The following WWTR1 variants were observed in gnomAD, a reference collection of about 807,000 sequenced individuals.
WWTR1 encodes WW domain-containing transcription regulator protein 1.
A neutral mutation model predicts 40.1 loss-of-function variants in WWTR1; 13 were observed. That is an observed-to-expected ratio of 0.32 (90% confidence interval 0.21 to 0.52). The LOEUF (loss-of-function observed/expected upper bound fraction) is 0.52, where lower values mean the gene tolerates loss of function less well. WWTR1 is among the 20% of genes least tolerant of loss of function. The pLI, the probability that WWTR1 is intolerant of heterozygous loss-of-function variation, is 0.97. For synonymous variants in WWTR1, 230 were observed against 210.1 expected, an observed-to-expected ratio of 1.09 and a Z score of -0.82; for missense variants, 436 against 523.1, an observed-to-expected ratio of 0.83 and a Z score of 1.63.
At chr3:149,680,438 GGAGGCT>G (rs1714418511) in intron 1 of WWTR1, among the ~76,000 whole-genome samples, 1 of 152,142 alleles carries the variant, frequency 6.6e-6, no homozygotes, top group South Asian at 2.1e-4. Flanking sequence ...CAGCTACTTG[GGAGGCT>G]GAGGCAGAAG....
rs761515815 is a variant in WWTR1, at chr3:149,657,133, C to A, written c.174G>T (p.Ser58=). The part of the protein sequence containing the change: ...LPESFFKEPD[S]GSHSRQSSTD... ...TGCTGGACTGGCGCGAGTGCGAGCCCGAATCAGGCTCCTTAAAGAAAGACT... is the reference window on the plus strand; with the variant it reads ...TGCTGGACTGGCGCGAGTGCGAGCCAGAATCAGGCTCCTTAAAGAAAGACT... Residue 58 remains serine (S), a synonymous_variant, in exon 2 of 7, where the codon TCG becomes TCT. Transcript: ENST00000360632. The A allele has an allele frequency of 6.3e-7, 1 of 1,595,690 alleles. No homozygotes were observed.
intron 1 of WWTR1, among the ~76,000 whole-genome samples, chr3:149,688,332 AGT>A (rs1714717567): frequency 2.0e-5 from 3 of 152,120 alleles, no homozygotes; most frequent in Admixed American, 2.0e-4. Context: ...GGCGAGACCC[AGT>A]ACTTTACTGG....
chr3:149,602,985 G>GATAAATAA lies in WWTR1; in HGVS notation c.432-29993_432-29986dup, dbSNP rs10573108. On this transcript the variant is annotated intron_variant, in intron 2 of 6. Transcript: ENST00000360632. ...AGAAAAGCCTAATTTTAAAGCCAAA[G>GATAAATAA]ATAAATAAATAAATAAATAAATAAA... Among the ~76,000 whole-genome samples the GATAAATAA allele has an allele frequency of 2.2e-3, 331 of 151,624 alleles. 1 individual carries two copies. Among genetic ancestry groups the GATAAATAA allele is most frequent in the African/African-American group, 7.6e-3 (313 of 41,216 alleles).
intron 4 of WWTR1, among the ~76,000 whole-genome samples, chr3:149,542,130 C>T (rs1736132598): frequency 6.6e-6 from 1 of 152,216 alleles, no homozygotes; most frequent in Non-Finnish European, 1.5e-5. Context: ...ACAGCTCGTC[C>T]TTGTACCCTT....
chr3:149,603,554 C>T (rs189735784), intron 2 of WWTR1, among the ~76,000 whole-genome samples: 2 of 146,594 alleles, frequency 1.4e-5, no homozygotes, highest in African/African-American at 2.6e-5. Context: ...TTCCCCACCC[C>T]CCCCTTGTAC....
chr3:149,631,071 G>A (rs1415930379), intron 2 of WWTR1, among the ~76,000 whole-genome samples: 1 of 152,128 alleles, frequency 6.6e-6, no homozygotes, highest in Admixed American at 6.6e-5. Flanking sequence ...CCATTAATGG[G>A]TCAAGCCAGT....
chr3:149,521,974 G>A (rs1015297394), intron 6 of WWTR1, among the ~76,000 whole-genome samples: 5 of 152,076 alleles, frequency 3.3e-5, no homozygotes, highest in African/African-American at 1.2e-4. Flanking sequence ...TATATACAAA[G>A]TTATATACAT....
At chr3:149,685,033 T>C (rs1394267501) in intron 1 of WWTR1, among the ~76,000 whole-genome samples, 2 of 152,196 alleles carry the variant, frequency 1.3e-5, no homozygotes, top group African/African-American at 2.4e-5. Context: ...TTTCATCATT[T>C]GTAGCCACTA....
intron 2 of WWTR1, among the ~76,000 whole-genome samples, chr3:149,611,481 T>G (rs1165917502): frequency 6.6e-6 from 1 of 152,226 alleles, no homozygotes; most frequent in East Asian, 1.9e-4. Flanking sequence ...TCAGAAAGTT[T>G]GCCTATCCCT....
intron 3 of WWTR1, among the ~76,000 whole-genome samples, chr3:149,567,063 T>C (rs1361309942): frequency 6.6e-6 from 1 of 152,078 alleles, no homozygotes; most frequent in Admixed American, 6.6e-5. Flanking sequence ...AGTCTTTATT[T>C]TTTCCTGTAC....
chr3:149,547,507 C>G (rs992226187), intron 3 of WWTR1, among the ~76,000 whole-genome samples: 1 of 151,848 alleles, frequency 6.6e-6, no homozygotes, highest in Non-Finnish European at 1.5e-5. Flanking sequence ...GCCTGAGCAA[C>G]AAGAGCGAAA....
intron 3 of WWTR1, among the ~76,000 whole-genome samples, chr3:149,556,347 G>A (rs1392636349): frequency 2.6e-5 from 4 of 152,186 alleles, no homozygotes; most frequent in African/African-American, 4.8e-5. Context: ...TTGGGAGGCC[G>A]AGGTGGGCAG....
chr3:149,563,620 A>G (rs1185440831), intron 3 of WWTR1, among the ~76,000 whole-genome samples: 1 of 152,222 alleles, frequency 6.6e-6, no homozygotes, highest in Non-Finnish European at 1.5e-5. Flanking sequence ...ATCAGTTAAA[A>G]AGTTGGTGGG....
At chr3:149,554,947 A>G (rs1736756846) in intron 3 of WWTR1, among the ~76,000 whole-genome samples, 1 of 152,240 alleles carries the variant, frequency 6.6e-6, no homozygotes, top group Non-Finnish European at 1.5e-5. Context: ...TGGTTGGGCA[A>G]TAGCAGTACA....
intron 2 of WWTR1, among the ~76,000 whole-genome samples, chr3:149,574,293 G>A (rs1326665022): frequency 6.6e-6 from 1 of 152,112 alleles, no homozygotes; most frequent in East Asian, 1.9e-4. Flanking sequence ...TCCCACCTCA[G>A]TCTCCCAAAG....
chr3:149,680,583 A>AAC, intron 1 of WWTR1, among the ~76,000 whole-genome samples: 1 of 151,412 alleles, frequency 6.6e-6, no homozygotes, highest in African/African-American at 2.4e-5. Flanking sequence ...CAAACAAAAA[A>AAC]ACGTATTTGG....
At chr3:149,610,716 T>C (rs1056520314) in intron 2 of WWTR1, among the ~76,000 whole-genome samples, 3 of 152,156 alleles carry the variant, frequency 2.0e-5, no homozygotes, top group Admixed American at 1.3e-4. Flanking sequence ...GACAGCAGGG[T>C]TGCCAACTTC....
intron 3 of WWTR1, among the ~76,000 whole-genome samples, chr3:149,567,397 A>C (rs1737385599): frequency 6.6e-6 from 1 of 152,152 alleles, no homozygotes; most frequent in African/African-American, 2.4e-5. Context: ...TCCCTCTGTG[A>C]ATGACCTGAC....
chr3:149,580,594 T>C (rs1040302321), intron 2 of WWTR1, among the ~76,000 whole-genome samples: 20 of 152,174 alleles, frequency 1.3e-4, no homozygotes, highest in Admixed American at 1.2e-3. Context: ...ATGTTTGTAA[T>C]ACTAAGATTA....
Sources: gnomAD v4.1 joint callset for allele counts (sites outside exome capture counted in the v4.1 genomes callset) on GRCh38, gnomAD v4.1.1 for gene constraint, MANE v1.5 for transcripts, NCBI Gene and HGNC (gene_info 2026-07-23, HGNC 2026-07-21) for gene names.